CDH1: variants seen among roughly 807,000 people sequenced by gnomAD.
The protein encoded by CDH1 is cadherin 1.
CDH1 carries 35 observed loss-of-function variants against 84.5 expected under a neutral mutation model. The observed-to-expected ratio is 0.41, with a 90% CI of 0.32 to 0.55. CDH1 has a LOEUF of 0.55. Among genes scored for constraint, CDH1 ranks in the 20% least tolerant of loss-of-function variants. CDH1 has a pLI of 0.19. For synonymous variants in CDH1, 417 were observed against 439.0 expected, an observed-to-expected ratio of 0.95 and a Z score of 0.63; for missense variants, 994 against 1,126.6, an observed-to-expected ratio of 0.88 and a Z score of 1.68.
chr16:68,766,165 A>G (rs1171473433), intron 2 of CDH1, among the ~76,000 whole-genome samples: 2 of 152,186 alleles, frequency 1.3e-5, no homozygotes, highest in African/African-American at 4.8e-5. Flanking sequence ...AGGCTGAAGC[A>G]GGAGAATCGC....
rs73559137 is a variant in CDH1 at position 68,769,797 on chromosome 16, G to A, written c.163+31386G>A. On this transcript the variant is annotated intron_variant, in intron 2 of 15. Coordinates refer to ENST00000261769, the MANE Select transcript of CDH1 (RefSeq NM_004360.5). ...AAAAACATTAGCTGGGGCCTGGCGC[G>A]GTGGCTCACGCTGGGGACTACAGGT... 1.3e-3 allele frequency among the ~76,000 whole-genome samples: 195 copies of A among 151,914 alleles called. 1 individual carries two copies. Among genetic ancestry groups the A allele is most frequent in the African/African-American group, 4.4e-3 (182 of 41,478 alleles).
rs878854676 is a variant in CDH1, at chr16:68,812,162, C to G, written c.1036C>G (p.Gln346Glu). 2 of 1,614,184 alleles carry G rather than the reference C, an allele frequency of 1.2e-6. No individual in the cohort carries two copies. Among genetic ancestry groups the G allele is most frequent in the Non-Finnish European group, 1.7e-6 (2 of 1,180,038 alleles). ...TTTCCCTACGTATACCCTGGTGGTT[C>G]AAGCTGCTGACCTTCAAGGTGAGGG... Reference protein sequence around the residue: ...ESFPTYTLVVQAADLQGEGLS... With the variant: ...ESFPTYTLVVEAADLQGEGLS... Residue 346 changes from glutamine (Q) to glutamate (E), a missense_variant, in exon 8 of 16, where the codon CAA becomes GAA. Gln to Glu is a conservative substitution (Grantham distance 29). Around this residue, in one of 3 missense-constraint regions of CDH1, gnomAD observed 769 missense variants for 881.8 expected, o/e 0.87. Transcript: ENST00000261769.
chr16:68,811,715 C>T lies in CDH1; in HGVS notation c.864C>T (p.Asp288=), dbSNP rs1057520804. The T allele has an allele frequency of 4.3e-6, 7 of 1,614,056 alleles. No individual in the cohort carries two copies. The highest frequency in any genetic ancestry group is 3.3e-5 in the South Asian group (3 of 91,064). The change falls in exon 7 of 16, where the codon GAC becomes GAT. Residue 288 remains aspartate, a synonymous_variant. Coordinates refer to ENST00000261769, the MANE Select transcript of CDH1 (RefSeq NM_004360.5). ...CTGTGATGGAGGTCACAGCCACAGA[C>T]GCGGACGATGATGTGAACACCTACA... ...GTSVMEVTAT[D]ADDDVNTYNA...
chr16:68,806,797 G>A (rs1018381407), intron 3 of CDH1, among the ~76,000 whole-genome samples: 3 of 152,188 alleles, frequency 2.0e-5, no homozygotes, highest in South Asian at 2.1e-4. Flanking sequence ...TGCCCTTGGC[G>A]CAGGCTGGGC....
Position 68,833,395 on chromosome 16 carries a change from A to G in CDH1, c.2545A>G (p.Asn849Asp), listed in dbSNP as rs876660881. 2 of 1,614,006 alleles carry G rather than the reference A, an allele frequency of 1.2e-6. No homozygotes were observed. The highest frequency in any genetic ancestry group is 2.7e-5 in the African/African-American group (2 of 74,922). ...CGAAGCTGCTAGTCTGAGCTCCCTG[A>G]ACTCCTCAGAGTCAGACAAAGACCA... is the stretch of plus-strand genomic sequence containing the variant. ...GSEAASLSSL[N>D]SSESDKDQDY... Residue 849 changes from asparagine (N) to aspartate (D), a missense_variant, in exon 16 of 16, where the codon AAC becomes GAC. Asn to Asp is a conservative substitution (Grantham distance 23, BLOSUM62 1). Coordinates refer to ENST00000261769, the MANE Select transcript of CDH1 (RefSeq NM_004360.5).
rs1555515292 is a variant in CDH1 at position 68,808,838 on chromosome 16, C to T, written c.677C>T (p.Ala226Val). 6.2e-7 allele frequency: 1 copy of T among 1,613,922 alleles called. No homozygotes were observed. Among genetic ancestry groups the T allele is most frequent in the Non-Finnish European group, 8.5e-7 (1 of 1,179,920 alleles). ...VTEPLDRERI[A>V]TYTLFSHAVS... The stretch of plus-strand genomic sequence containing the variant: ...GAGCCTCTGGATAGAGAACGCATTG[C>T]CACATACACTGTAAGTATCTCTTAG... The change falls in exon 5 of 16, where the codon GCC becomes GTC. Residue 226 changes from alanine (A) to valine (V), a missense_variant. Physicochemically the swap from Ala to Val is moderately conservative, Grantham distance 64. Coordinates refer to ENST00000261769, the MANE Select transcript of CDH1 (RefSeq NM_004360.5).
chr16:68,755,132 C>T, intron 2 of CDH1, among the ~76,000 whole-genome samples: 1 of 151,702 alleles, frequency 6.6e-6, no homozygotes, highest in East Asian at 1.9e-4. Context: ...CAAAAATTAG[C>T]CAGGTGTAGT....
rs754851643 is a variant in CDH1, at chr16:68,833,238, A to G, written c.2440-52A>G. 4.6e-5 allele frequency: 69 copies of G among 1,503,410 alleles called. No homozygotes were observed. Among genetic ancestry groups the G allele is most frequent in the Non-Finnish European group, 6.0e-5 (65 of 1,079,490 alleles). 93.1% of individuals were successfully genotyped at this position (1,503,410 alleles called of 1,614,324 possible). On this transcript the variant is annotated intron_variant, in intron 15 of 15. Transcript: ENST00000261769. Reference sequence around the variant, plus strand: ...ATTGCTAGACTTCTTGCCCCAGATGACAGGTGTGCCCTTCCTTTCACTAAA... The same window carrying G: ...ATTGCTAGACTTCTTGCCCCAGATGGCAGGTGTGCCCTTCCTTTCACTAAA...
At chr16:68,804,271 G>T (rs753538306) in intron 3 of CDH1, among the ~76,000 whole-genome samples, 1 of 151,670 alleles carries the variant, frequency 6.6e-6, no homozygotes, top group African/African-American at 2.4e-5. Context: ...CCGCCACCAC[G>T]CCTGGCTTAT....
intron 2 of CDH1, among the ~76,000 whole-genome samples, chr16:68,796,411 A>G (rs954885184): frequency 6.6e-6 from 1 of 152,166 alleles, no homozygotes; most frequent in African/African-American, 2.4e-5. Flanking sequence ...AAAATAATAT[A>G]GAAGCTTTTG....
At chr16:68,744,180 GC>G (rs1471834024) in intron 2 of CDH1, among the ~76,000 whole-genome samples, 1 of 152,190 alleles carries the variant, frequency 6.6e-6, no homozygotes, top group Non-Finnish European at 1.5e-5. Context: ...ACTTGGTCCA[GC>G]CCTTAAGGTT....
At chr16:68,832,872 C>A (rs112206952) in intron 15 of CDH1, among the ~76,000 whole-genome samples, 1 of 152,058 alleles carries the variant, frequency 6.6e-6, no homozygotes, top group Non-Finnish European at 1.5e-5. Flanking sequence ...GTTCCCACAC[C>A]CCCACTCCCC....
chr16:68,824,516 T>C (rs1461777038), intron 13 of CDH1, among the ~76,000 whole-genome samples: 1 of 152,140 alleles, frequency 6.6e-6, no homozygotes, highest in Admixed American at 6.6e-5. Flanking sequence ...TCCACTTATA[T>C]ACCATTGGCC....
intron 2 of CDH1, among the ~76,000 whole-genome samples, chr16:68,745,563 T>G (rs1264476729): frequency 7.5e-6 from 1 of 132,462 alleles, no homozygotes; most frequent in Non-Finnish European, 1.6e-5. Context: ...TATATATATA[T>G]GTATATATAT....
intron 2 of CDH1, among the ~76,000 whole-genome samples, chr16:68,748,374 G>A (rs149120928): frequency 3.1e-4 from 47 of 152,230 alleles, no homozygotes; most frequent in African/African-American, 1.1e-3. Flanking sequence ...CCAAAGTGCT[G>A]GGATTAGAGG....
chr16:68,834,570 A>G lies in CDH1; in HGVS notation c.*1071A>G. 2 of 245,784 alleles carry G rather than the reference A, an allele frequency of 8.1e-6. No individual in the cohort carries two copies. The highest frequency in any genetic ancestry group is 2.3e-4 in the South Asian group (2 of 8,612). 15.2% of individuals were successfully genotyped at this position (245,784 alleles called of 1,614,324 possible). A position where few individuals can be genotyped will look rare whatever the true frequency, so the allele number is the denominator to read the frequency against. On this transcript the variant is annotated 3_prime_UTR_variant, in exon 16 of 16. Coordinates refer to ENST00000261769, the MANE Select transcript of CDH1 (RefSeq NM_004360.5). Reference sequence around the variant, plus strand: ...TGAATTCAGTTGCTTTGCCCAAGATAGGAGTTCTCTGATGCAGAAATTATT... The same window carrying G: ...TGAATTCAGTTGCTTTGCCCAAGATGGGAGTTCTCTGATGCAGAAATTATT...
intron 2 of CDH1, among the ~76,000 whole-genome samples, chr16:68,786,314 G>A (rs1960043245): frequency 6.6e-6 from 1 of 152,018 alleles, no homozygotes; most frequent in African/African-American, 2.4e-5. Context: ...TGGGATTACA[G>A]GTGCCCGCCA....
intron 11 of CDH1, among the ~76,000 whole-genome samples, chr16:68,819,761 C>T (rs553528903): frequency 6.6e-6 from 1 of 152,122 alleles, no homozygotes; most frequent in African/African-American, 2.4e-5. Context: ...TACACATTAT[C>T]GAACTCCGAC....
chr16:68,772,715 G>A (rs774663978), intron 2 of CDH1, among the ~76,000 whole-genome samples: 3 of 152,106 alleles, frequency 2.0e-5, no homozygotes, highest in Non-Finnish European at 2.9e-5. Flanking sequence ...CAGGTGGATC[G>A]CTTGTGCCCA....
Sources: gnomAD v4.1 joint callset for allele counts (sites outside exome capture counted in the v4.1 genomes callset) on GRCh38, gnomAD v4.1.1 for gene constraint, gnomAD v4.1.1 regional missense constraint, MANE v1.5 for transcripts, NCBI Gene and HGNC (gene_info 2026-07-23, HGNC 2026-07-21) for gene names.